The following MARCHF1 variants were observed in gnomAD, a reference collection of about 807,000 sequenced individuals.
MARCHF1 encodes E3 ubiquitin-protein ligase MARCHF1.
Under a neutral mutation model 54.2 loss-of-function variants are expected in MARCHF1, and 40 were observed. The ratio of observed to expected loss-of-function variants is 0.74; its 90% CI spans 0.57 to 0.96. The LOEUF (loss-of-function observed/expected upper bound fraction) is 0.96. MARCHF1 is among the 40% of genes least tolerant of loss of function. The pLI is 0.00. For synonymous variants in MARCHF1, 236 were observed against 236.3 expected, an observed-to-expected ratio of 1.00 and a Z score of 0.01; for missense variants, 586 against 656.5, an observed-to-expected ratio of 0.89 and a Z score of 1.17.
chr4:163,897,359 C>A (rs4566617), intron 3 of MARCHF1, among the ~76,000 whole-genome samples: 76,752 of 151,980 alleles, frequency 0.51, 19,891 homozygotes, highest in Non-Finnish European at 0.56. Flanking sequence ...TGATAGAGCC[C>A]ATTATTATAA....
intron 9 of MARCHF1, among the ~76,000 whole-genome samples, chr4:163,537,180 G>A (rs1467875123): frequency 6.6e-6 from 1 of 151,670 alleles, no homozygotes; most frequent in Non-Finnish European, 1.5e-5. Context: ...CATCTTGAGA[G>A]GAGATGCTAA....
At chr4:163,816,750 G>A (rs2111034241) in intron 4 of MARCHF1, among the ~76,000 whole-genome samples, 1 of 152,160 alleles carries the variant, frequency 6.6e-6, no homozygotes, top group African/African-American at 2.4e-5. Context: ...CAGAAATCTG[G>A]TTTCCAAACC....
At chr4:164,377,913 A>T (rs967376589) in intron 1 of MARCHF1, among the ~76,000 whole-genome samples, 5 of 152,212 alleles carry the variant, frequency 3.3e-5, no homozygotes, top group Non-Finnish European at 7.3e-5. Context: ...GGATGGGACT[A>T]CTAACTCCAG....
chr4:163,834,713 C>T (rs556724620), intron 4 of MARCHF1, among the ~76,000 whole-genome samples: 36 of 150,650 alleles, frequency 2.4e-4, no homozygotes, highest in African/African-American at 8.3e-4. Context: ...AACCAAACAC[C>T]GCATATTCTC....
At chr4:164,187,204 A>G (rs909327985) in intron 1 of MARCHF1, among the ~76,000 whole-genome samples, 31 of 152,204 alleles carry the variant, frequency 2.0e-4, no homozygotes, top group Admixed American at 9.8e-4. Flanking sequence ...GAGGAAATCT[A>G]CAAAGCTGTT....
intron 3 of MARCHF1, among the ~76,000 whole-genome samples, chr4:163,957,960 T>C (rs1022979704): frequency 1.3e-5 from 2 of 152,072 alleles, no homozygotes; most frequent in Non-Finnish European, 2.9e-5. Flanking sequence ...AAAATGAATA[T>C]TTCCAATCAT....
chr4:163,708,046 G>A (rs1579213672), intron 4 of MARCHF1, among the ~76,000 whole-genome samples: 1 of 151,738 alleles, frequency 6.6e-6, no homozygotes. Context: ...TAGGCTTCTT[G>A]TGTTTGCATC....
At chr4:163,610,524 C>G (rs1467674262) in intron 7 of MARCHF1, among the ~76,000 whole-genome samples, 1 of 152,048 alleles carries the variant, frequency 6.6e-6, no homozygotes, top group African/African-American at 2.4e-5. Context: ...ACCATTTAGC[C>G]TACAACTAGC....
intron 7 of MARCHF1, among the ~76,000 whole-genome samples, chr4:163,601,775 G>A (rs913294961): frequency 3.6e-4 from 55 of 151,922 alleles, no homozygotes; most frequent in African/African-American, 1.2e-3. Context: ...GCAAGGAAAT[G>A]TCTGTTTTTC....
At chr4:163,883,143 G>A (rs1395081097) in intron 3 of MARCHF1, among the ~76,000 whole-genome samples, 2 of 151,808 alleles carry the variant, frequency 1.3e-5, no homozygotes, top group African/African-American at 4.8e-5. Flanking sequence ...GTTAACATTT[G>A]TTCCTGCCTG....
intron 8 of MARCHF1, among the ~76,000 whole-genome samples, chr4:163,573,295 C>CATTA (rs1000361550): frequency 2.1e-5 from 3 of 144,326 alleles, no homozygotes; most frequent in Non-Finnish European, 3.0e-5. Context: ...TGCTTTTTCT[C>CATTA]TTATTATTAT....
intron 1 of MARCHF1, among the ~76,000 whole-genome samples, chr4:164,211,331 GTATA>G (rs10604337): frequency 0.18 from 20,419 of 115,800 alleles, 1,909 homozygotes; most frequent in Admixed American, 0.28. Flanking sequence ...ATGTATGTAT[GTATA>G]TATATATATA....
chr4:163,887,251 A>G (rs890137147), intron 3 of MARCHF1, among the ~76,000 whole-genome samples: 1 of 152,078 alleles, frequency 6.6e-6, no homozygotes, highest in Non-Finnish European at 1.5e-5. Context: ...AGGAGAGGGG[A>G]CATTTTTAGA....
chr4:163,811,688 T>C (rs779576607), intron 4 of MARCHF1, among the ~76,000 whole-genome samples: 21 of 152,176 alleles, frequency 1.4e-4, no homozygotes, highest in Non-Finnish European at 2.1e-4. Flanking sequence ...TAGAAAAAAG[T>C]AGGCAGGCCT....
intron 1 of MARCHF1, among the ~76,000 whole-genome samples, chr4:164,218,184 A>G (rs1389957053): frequency 1.3e-5 from 2 of 152,162 alleles, no homozygotes; most frequent in Admixed American, 1.3e-4. Flanking sequence ...ATAAAATAAA[A>G]TTATAGAGAA....
chr4:164,027,712 C>T (rs1053207705), intron 2 of MARCHF1, among the ~76,000 whole-genome samples: 1 of 151,906 alleles, frequency 6.6e-6, no homozygotes, highest in Non-Finnish European at 1.5e-5. Flanking sequence ...TGGCTAAGTT[C>T]CCAAAAGCAA....
chr4:164,276,872 C>CAT (rs1347151678), intron 1 of MARCHF1, among the ~76,000 whole-genome samples: 1 of 90,008 alleles, frequency 1.1e-5, no homozygotes, highest in Admixed American at 1.0e-4. Flanking sequence ...TTATATATTA[C>CAT]ATACATATAT....
At chr4:163,792,892 G>A (rs1407360469) in intron 4 of MARCHF1, among the ~76,000 whole-genome samples, 2 of 152,220 alleles carry the variant, frequency 1.3e-5, no homozygotes, top group East Asian at 1.9e-4. Flanking sequence ...GGGGCTCCAA[G>A]CTCTGAATAG....
intron 5 of MARCHF1, among the ~76,000 whole-genome samples, chr4:163,687,337 C>G (rs1441092349): frequency 6.6e-6 from 1 of 151,804 alleles, no homozygotes; most frequent in Non-Finnish European, 1.5e-5. Context: ...AAGGGATTCT[C>G]CTGCCTCAGC....
Sources: allele counts gnomAD v4.1 joint callset (sites outside exome capture counted in the v4.1 genomes callset), GRCh38; gene constraint gnomAD v4.1.1; transcripts MANE v1.5; gene names NCBI Gene and HGNC (gene_info 2026-07-23, HGNC 2026-07-21).